The following C8orf34 variants were observed in gnomAD, a reference collection of about 807,000 sequenced individuals.
C8orf34 encodes uncharacterized protein C8orf34.
A neutral mutation model predicts 68.3 loss-of-function variants in C8orf34; 65 were observed. The ratio of observed to expected loss-of-function variants is 0.95; its 90% CI spans 0.78 to 1.17. The LOEUF (loss-of-function observed/expected upper bound fraction) is 1.17. C8orf34 is among the 50% of genes most tolerant of loss of function. The probability of loss-of-function intolerance (pLI) is 0.00; values close to 1 mark genes in which losing one functional copy is unlikely to be tolerated. For missense variants in C8orf34, 664 were observed against 655.4 expected (o/e 1.01, Z -0.14); for synonymous variants, 244 against 241.2 (o/e 1.01, Z -0.11).
In C8orf34 at chr8:68,360,760, T is replaced by TTC. The variant is rs201715355; in HGVS notation, c.327+29422_327+29423insCT. On this transcript the variant is annotated intron_variant, in intron 1 of 13. Transcript: ENST00000518698. ...CCCTTTTCCTTTTCTTCCTTTCTTT[T>TTC]TTTTTTTTTTTTTCTTGAGCCTCGC... Among the ~76,000 whole-genome samples the TTC allele has an allele frequency of 7.7e-3, 1,154 of 150,094 alleles. 39 individuals carry two copies. The East Asian group carries it at 0.099, about 13-fold the overall frequency.
chr8:68,331,017 G>C lies in C8orf34; in HGVS notation c.5G>C (p.Ser2Thr). The C allele has an allele frequency of 1.4e-6, 2 of 1,440,392 alleles. No homozygotes were observed. Among genetic ancestry groups the C allele is most frequent in the Non-Finnish European group, 1.8e-6 (2 of 1,110,092 alleles). 89.2% of individuals were successfully genotyped at this position (1,440,392 alleles called of 1,614,324 possible). A position where few individuals can be genotyped will look rare whatever the true frequency, so the allele number is the denominator to read the frequency against. The part of the protein sequence containing the change: M[S>T]SPLASELSEL... ...GCGAGGCGGAGAACGCGATGAATGA[G>C]TTCTCCCCTCGCCTCGGAGTTGTCT... The change falls in exon 1 of 14, where the codon AGT (serine) becomes ACT (threonine). Residue 2 changes from serine (S) to threonine (T), a missense_variant. Coordinates refer to ENST00000518698, the MANE Select transcript of C8orf34 (RefSeq NM_052958.4).
chr8:68,478,434 T>G (rs1812716709), intron 4 of C8orf34, among the ~76,000 whole-genome samples: 1 of 152,198 alleles, frequency 6.6e-6, no homozygotes, highest in Admixed American at 6.5e-5. Flanking sequence ...CTTTCCCACA[T>G]CTTCCTATCT....
At chr8:68,596,283 C>T (rs1297766252) in intron 7 of C8orf34, among the ~76,000 whole-genome samples, 4 of 152,018 alleles carry the variant, frequency 2.6e-5, no homozygotes, top group Non-Finnish European at 5.9e-5. Context: ...CCTTTCTCTC[C>T]GTCTCCATTG....
intron 11 of C8orf34, among the ~76,000 whole-genome samples, chr8:68,786,891 A>T (rs1585882134): frequency 6.6e-6 from 1 of 152,220 alleles, no homozygotes; most frequent in East Asian, 1.9e-4. Context: ...CTATTACTAC[A>T]GTCAGGGTGG....
intron 7 of C8orf34, among the ~76,000 whole-genome samples, chr8:68,622,334 AG>A (rs1255268866): frequency 6.6e-6 from 1 of 152,214 alleles, no homozygotes; most frequent in Non-Finnish European, 1.5e-5. Flanking sequence ...ACTTTCAATG[AG>A]GGAGGAAAGC....
At chr8:68,456,304 A>G (rs1338817907) in intron 3 of C8orf34, among the ~76,000 whole-genome samples, 1 of 152,120 alleles carries the variant, frequency 6.6e-6, no homozygotes, top group South Asian at 2.1e-4. Flanking sequence ...TAGCTACTAT[A>G]TATTAATCAG....
chr8:68,340,347 C>T (rs929574504), intron 1 of C8orf34, among the ~76,000 whole-genome samples: 2 of 151,928 alleles, frequency 1.3e-5, no homozygotes, highest in African/African-American at 2.4e-5. Context: ...ACAAATGAAT[C>T]CTGAATTATG....
At chr8:68,387,441 A>T (rs1447577331) in intron 1 of C8orf34, among the ~76,000 whole-genome samples, 1 of 152,150 alleles carries the variant, frequency 6.6e-6, no homozygotes, top group Non-Finnish European at 1.5e-5. Flanking sequence ...AGGAAGTATA[A>T]TTGAATAGTT....
chr8:68,774,943 C>CAAAAAAAAAAAA (rs1491565981), intron 10 of C8orf34, among the ~76,000 whole-genome samples: 1 of 36,366 alleles, frequency 2.7e-5, no homozygotes, highest in African/African-American at 3.5e-4. Flanking sequence ...CCTGTCTCCA[C>CAAAAAAAAAAAA]TAAAAAAAAA....
chr8:68,692,713 C>T (rs1820720548), intron 8 of C8orf34, among the ~76,000 whole-genome samples: 1 of 152,038 alleles, frequency 6.6e-6, no homozygotes, highest in South Asian at 2.1e-4. Flanking sequence ...CCTTTGTTCT[C>T]TCTAGTAGAA....
intron 7 of C8orf34, among the ~76,000 whole-genome samples, chr8:68,600,941 G>T (rs562095906): frequency 1.3e-5 from 2 of 152,226 alleles, no homozygotes; most frequent in African/African-American, 4.8e-5. Context: ...CAGCCTCTGG[G>T]TAATCATCAT....
chr8:68,727,141 TGG>T (rs138449825), intron 10 of C8orf34, among the ~76,000 whole-genome samples: 1 of 151,932 alleles, frequency 6.6e-6, no homozygotes, highest in Non-Finnish European at 1.5e-5. Flanking sequence ...CTAGATACAA[TGG>T]GGGTACAGGT....
intron 8 of C8orf34, among the ~76,000 whole-genome samples, chr8:68,687,681 A>G (rs1292177477): frequency 1.3e-5 from 2 of 151,894 alleles, no homozygotes; most frequent in African/African-American, 4.8e-5. Context: ...CATTGAAAAA[A>G]CTCTTCGGGA....
intron 11 of C8orf34, among the ~76,000 whole-genome samples, chr8:68,781,388 C>T (rs1351953512): frequency 6.6e-6 from 1 of 152,064 alleles, no homozygotes; most frequent in African/African-American, 2.4e-5. Context: ...ACTCCTAGTC[C>T]CTGTACATTT....
intron 1 of C8orf34, among the ~76,000 whole-genome samples, chr8:68,388,940 C>T (rs996010927): frequency 6.6e-6 from 1 of 152,112 alleles, no homozygotes; most frequent in Non-Finnish European, 1.5e-5. Context: ...ATAAGTTTCT[C>T]GTTAGCCTTT....
chr8:68,332,235 G>T, intron 1 of C8orf34, among the ~76,000 whole-genome samples: 1 of 152,184 alleles, frequency 6.6e-6, no homozygotes, highest in East Asian at 1.9e-4. Flanking sequence ...GCTGAGCAGG[G>T]GTGGGGCGTG....
intron 7 of C8orf34, among the ~76,000 whole-genome samples, chr8:68,630,945 A>ATT (rs36031699): frequency 0.055 from 6,551 of 118,238 alleles, 217 homozygotes; most frequent in Middle Eastern, 0.1. Context: ...ATGCCCAGCT[A>ATT]TTTTTTTTTT....
chr8:68,632,464 C>G lies in C8orf34; in HGVS notation c.1106-7912C>G, dbSNP rs572589732. ...CCGTAAAAGTTTGAAAAATTTGCAG[C>G]CTGACCATGCAGTAAAAAAGAAAAA... On this transcript the variant is annotated intron_variant, in intron 7 of 13. Transcript: ENST00000518698. Among the ~76,000 whole-genome samples, 3 of 152,238 alleles carry G rather than the reference C, an allele frequency of 2.0e-5. No individual in the cohort carries two copies. The East Asian group carries it at 5.8e-4, about 29-fold the overall frequency.
At chr8:68,385,067 T>C (rs1000317919) in intron 1 of C8orf34, among the ~76,000 whole-genome samples, 1 of 152,212 alleles carries the variant, frequency 6.6e-6, no homozygotes, top group African/African-American at 2.4e-5. Context: ...CTTGTGAATG[T>C]AAACAACTTG....
Sources: gnomAD v4.1 joint callset for allele counts (sites outside exome capture counted in the v4.1 genomes callset) on GRCh38, gnomAD v4.1.1 for gene constraint, MANE v1.5 for transcripts, NCBI Gene and HGNC (gene_info 2026-07-23, HGNC 2026-07-21) for gene names.